The following DCTN4 variants were observed in gnomAD, a reference collection of about 807,000 sequenced individuals.
The protein encoded by DCTN4 is dynactin subunit 4.
DCTN4 carries 23 observed loss-of-function variants against 62.7 expected under a neutral mutation model. The ratio of observed to expected loss-of-function variants is 0.37; its 90% CI spans 0.26 to 0.52. The LOEUF (loss-of-function observed/expected upper bound fraction) is 0.52. Ranked by LOEUF, DCTN4 falls within the 20% of genes least tolerant of loss-of-function variation. The pLI is 0.92. For missense variants in DCTN4, 514 were observed against 580.4 expected (o/e 0.89, Z 1.18); for synonymous variants, 199 against 202.1 (o/e 0.98, Z 0.13).
intron 8 of DCTN4, among the ~76,000 whole-genome samples, chr5:150,723,361 G>T (rs529008652): frequency 6.6e-6 from 1 of 152,256 alleles, no homozygotes; most frequent in Admixed American, 6.5e-5. Flanking sequence ...GATCAAAATG[G>T]TATACAGGAA....
intron 1 of DCTN4, among the ~76,000 whole-genome samples, chr5:150,757,202 T>C (rs1001510272): frequency 2.6e-5 from 4 of 152,246 alleles, no homozygotes; most frequent in African/African-American, 7.2e-5. Flanking sequence ...TTTTTCATCA[T>C]CTGCTATAAA....
At chr5:150,749,988 T>C (rs1016564092) in intron 3 of DCTN4, among the ~76,000 whole-genome samples, 1 of 152,168 alleles carries the variant, frequency 6.6e-6, no homozygotes, top group Admixed American at 6.5e-5. Context: ...AAGACTGTAA[T>C]GTAAGACTCC....
At chr5:150,714,217 T>C (rs996991097) in intron 12 of DCTN4, among the ~76,000 whole-genome samples, 2 of 152,202 alleles carry the variant, frequency 1.3e-5, no homozygotes, top group Admixed American at 1.3e-4. Context: ...TGACACAGGA[T>C]TCTGCTTGGA....
In DCTN4 at chr5:150,742,129, A is replaced by G. The variant is rs767076626; in HGVS notation, c.414T>C (p.Asn138=). ...VASGGWQEPE[N]PHTQRMNKLI... ...CTTTACTTACCCGTTGTGTGTGAGG[A>G]TTTTCAGGTTCCTGCCAACCGCCAC... Residue 138 remains asparagine, a synonymous_variant, in exon 4 of 13, where the codon AAT becomes AAC. Transcript: ENST00000447998. The G allele has an allele frequency of 6.2e-7, 1 of 1,613,872 alleles. No individual in the cohort carries two copies. The highest frequency in any genetic ancestry group is 1.1e-5 in the South Asian group (1 of 91,072).
intron 10 of DCTN4, among the ~76,000 whole-genome samples, chr5:150,718,825 T>A (rs1402860961): frequency 2.0e-5 from 3 of 152,116 alleles, no homozygotes; most frequent in Non-Finnish European, 4.4e-5. Flanking sequence ...TATTATTTAT[T>A]TATTTATTTT....
intron 10 of DCTN4, 127 bp downstream of exon 10, chr5:150,719,589 A>T: frequency 1.5e-6 from 1 of 687,182 alleles, no homozygotes. Context: ...TATTATCCCA[A>T]ACTGTCTTCT....
At chr5:150,741,508 C>T in intron 4 of DCTN4, among the ~76,000 whole-genome samples, 1 of 151,192 alleles carries the variant, frequency 6.6e-6, no homozygotes, top group East Asian at 2.0e-4. Context: ...TGAGACACAG[C>T]CTTGCTCTAT....
chr5:150,743,591 T>C (rs1760850470), intron 3 of DCTN4, among the ~76,000 whole-genome samples: 1 of 152,098 alleles, frequency 6.6e-6, no homozygotes, highest in Non-Finnish European at 1.5e-5. Flanking sequence ...CGGGTACTCC[T>C]CTGAGACAAA....
chr5:150,755,144 T>C (rs893431475), intron 2 of DCTN4, among the ~76,000 whole-genome samples: 3 of 151,966 alleles, frequency 2.0e-5, no homozygotes, highest in Non-Finnish European at 2.9e-5. Flanking sequence ...CTGAAATAAT[T>C]TGAGCAAAAT....
At chr5:150,730,932 T>C (rs1760338295) in intron 7 of DCTN4, 112 bp downstream of exon 7, 2 of 783,662 alleles carry the variant, frequency 2.6e-6, no homozygotes, top group Non-Finnish European at 4.2e-6. Flanking sequence ...CTACATATTG[T>C]TTTTACTACT....
intron 2 of DCTN4, among the ~76,000 whole-genome samples, chr5:150,754,164 C>T (rs948790118): frequency 6.6e-5 from 10 of 152,224 alleles, no homozygotes; most frequent in African/African-American, 2.4e-4. Flanking sequence ...CTGTTCTCTC[C>T]TTAAATGCTA....
intron 11 of DCTN4, among the ~76,000 whole-genome samples, chr5:150,717,572 T>C (rs1013605341): frequency 4.6e-5 from 7 of 152,188 alleles, no homozygotes; most frequent in African/African-American, 1.7e-4. Context: ...TTATGTATAC[T>C]CTTTGTAAGG....
chr5:150,719,428 G>A (rs1759884344), intron 10 of DCTN4, among the ~76,000 whole-genome samples: 1 of 152,188 alleles, frequency 6.6e-6, no homozygotes, highest in African/African-American at 2.4e-5. Context: ...CTAGGCTGGA[G>A]AAGAACAAAA....
Position 150,731,076 on chromosome 5 carries a change from T to C in DCTN4, c.692A>G (p.Asp231Gly), listed in dbSNP as rs756345731. Residue 231 changes from aspartate (D) to glycine (G), a missense_variant, in exon 7 of 13, where the codon GAC becomes GGC. Physicochemically the swap from Asp to Gly is moderately conservative, Grantham distance 94 (BLOSUM62 -1). Transcript: ENST00000447998. ...AVDEVEPLPE[D>G]YYTRPVNLTE... is the part of the protein sequence containing the mutation. ...TAAATTTACTGGTCTTGTATAATAG[T>C]CTTCAGGTAGAGGTTCCACTTCATC... 3.1e-6 allele frequency: 5 copies of C among 1,609,500 alleles called. No individual in the cohort carries two copies. Among genetic ancestry groups the C allele is most frequent in the Non-Finnish European group, 4.3e-6 (5 of 1,175,798 alleles).
chr5:150,743,727 T>G (rs1328810998), intron 3 of DCTN4, among the ~76,000 whole-genome samples: 2 of 152,192 alleles, frequency 1.3e-5, no homozygotes, highest in Non-Finnish European at 2.9e-5. Context: ...CCAACAGACC[T>G]GCAGCTGAGG....
intron 1 of DCTN4, chr5:150,758,517 C>A: frequency 9.9e-7 from 1 of 1,009,620 alleles, no homozygotes. Flanking sequence ...CCTGGAAAGG[C>A]AGTTTTTCGC....
chr5:150,749,567 G>A (rs1752594321), intron 3 of DCTN4, among the ~76,000 whole-genome samples: 1 of 152,022 alleles, frequency 6.6e-6, no homozygotes, highest in Admixed American at 6.6e-5. Context: ...TTTAATCCCA[G>A]CACTTTGGGA....
intron 3 of DCTN4, among the ~76,000 whole-genome samples, chr5:150,748,073 T>G (rs1370298136): frequency 6.6e-6 from 1 of 151,654 alleles, no homozygotes; most frequent in Admixed American, 6.6e-5. Context: ...GAATCTACAA[T>G]GAACTCAAAC....
At chr5:150,726,557 G>GT (rs1760152413) in intron 8 of DCTN4, among the ~76,000 whole-genome samples, 1 of 152,140 alleles carries the variant, frequency 6.6e-6, no homozygotes, top group Admixed American at 6.5e-5. Flanking sequence ...CCATTATAAT[G>GT]TTTTTAATAG....
Sources: gnomAD v4.1 joint callset for allele counts (sites outside exome capture counted in the v4.1 genomes callset) on GRCh38, gnomAD v4.1.1 for gene constraint, MANE v1.5 for transcripts, NCBI Gene and HGNC (gene_info 2026-07-23, HGNC 2026-07-21) for gene names.